The following SLIT3 variants were observed in gnomAD, a reference collection of about 807,000 sequenced individuals.
The protein encoded by SLIT3 is slit homolog 3 protein.
Under a neutral mutation model 184.0 loss-of-function variants are expected in SLIT3, and 68 were observed. The observed-to-expected ratio is 0.37, with a 90% CI of 0.30 to 0.45. The LOEUF (loss-of-function observed/expected upper bound fraction) is 0.45. Among genes scored for constraint, SLIT3 ranks in the 20% least tolerant of loss-of-function variants. SLIT3 has a pLI of 1.00. For synonymous variants in SLIT3, 831 were observed against 828.6 expected, an observed-to-expected ratio of 1.00 and a Z score of -0.05; for missense variants, 1,707 against 2,026.0, an observed-to-expected ratio of 0.84 and a Z score of 3.02.
intron 1 of SLIT3, among the ~76,000 whole-genome samples, chr5:169,260,881 T>C (rs963595949): frequency 6.6e-6 from 1 of 152,248 alleles, no homozygotes; most frequent in East Asian, 1.9e-4. Context: ...TACCATAGAC[T>C]ATGATAAACG....
intron 18 of SLIT3, among the ~76,000 whole-genome samples, chr5:168,750,702 G>T (rs532949762): frequency 6.6e-6 from 1 of 152,198 alleles, no homozygotes; most frequent in Admixed American, 6.5e-5. Flanking sequence ...ACTGATGTTA[G>T]CTCCCAACCC....
chr5:169,005,918 A>G (rs574743616), intron 4 of SLIT3, among the ~76,000 whole-genome samples: 2 of 152,388 alleles, frequency 1.3e-5, no homozygotes, highest in African/African-American at 4.8e-5. Context: ...CAGCAGGGCC[A>G]TAGGAACTTC....
In SLIT3 at chr5:168,980,572, C is replaced by T. The variant is rs553799303; in HGVS notation, c.414-97236G>A. 9.2e-5 allele frequency among the ~76,000 whole-genome samples: 14 copies of T among 152,278 alleles called. No homozygotes were observed. The South Asian group carries it at 2.9e-3, about 32-fold the overall frequency. ...TCCACACTTCAAGCTCTTTCCACCT[C>T]CCACATGATATTTCAACTTGGGCAA... On this transcript the variant is annotated intron_variant, in intron 4 of 35. Transcript: ENST00000519560.
intron 4 of SLIT3, among the ~76,000 whole-genome samples, chr5:169,144,900 T>TGCTCCTTCCCTC (rs1761877356): frequency 6.6e-6 from 1 of 152,202 alleles, no homozygotes; most frequent in Non-Finnish European, 1.5e-5. Context: ...GGACGATGCA[T>TGCTCCTTCCCTC]GCTCCTTCCC....
rs145147086 is a variant in SLIT3 at position 168,912,247 on chromosome 5, C to T, written c.414-28911G>A. Among the ~76,000 whole-genome samples, 66 of 135,712 alleles carry T rather than the reference C, an allele frequency of 4.9e-4. No homozygotes were observed. In the East Asian group the frequency reaches 8.7e-3, roughly 18 times the overall value. The allele number at this position is 135,712 out of a possible 152,430, so 89.0% of individuals were successfully genotyped here. On this transcript the variant is annotated intron_variant, in intron 4 of 35. Transcript: ENST00000519560. ...AACATATTTTATACAGTGTATTATA[C>T]ATACAACAAACAAAATATGTGTTAA...
At chr5:168,918,824 ACTT>A (rs566846989) in intron 4 of SLIT3, among the ~76,000 whole-genome samples, 116 of 152,242 alleles carry the variant, frequency 7.6e-4, no homozygotes, top group African/African-American at 2.6e-3. Context: ...TATGTGTTTC[ACTT>A]CTTCTTAAAA....
chr5:168,706,479 A>G (rs576233814), intron 26 of SLIT3: 1 of 151,904 alleles, frequency 6.6e-6, no homozygotes, highest in East Asian at 1.9e-4. Context: ...GTTAATCTCT[A>G]TTCTCCCCTC....
At chr5:168,720,047 G>A (rs1762890327) in intron 23 of SLIT3, 1 of 152,172 alleles carries the variant, frequency 6.6e-6, no homozygotes, top group Admixed American at 6.6e-5. Context: ...CCAAGTAGCT[G>A]GGACTACAGG....
chr5:168,781,693 C>T (rs1415570282), intron 12 of SLIT3, among the ~76,000 whole-genome samples: 1 of 152,174 alleles, frequency 6.6e-6, no homozygotes, highest in Non-Finnish European at 1.5e-5. Context: ...AGTTGATCTG[C>T]AGTTCAACAG....
chr5:168,684,002 T>C lies in SLIT3; in HGVS notation c.3650A>G (p.Tyr1217Cys), dbSNP rs1338745704. 6.2e-7 allele frequency: 1 copy of C among 1,604,362 alleles called. No homozygotes were observed. The highest frequency in any genetic ancestry group is 1.7e-5 in the Admixed American group (1 of 59,112). ...ELYQGHVRLV[Y>C]DSLSSPPTTV... ...GGTTGGAGGGGAACTCAGGCTGTCA[T>C]AGACCAGCCGCACGTGGCCCTGGTA... Residue 1217 changes from tyrosine to cysteine, a missense_variant, in exon 32 of 36, where the codon TAT (tyrosine) becomes TGT (cysteine). Physicochemically the swap from Tyr to Cys is radical, Grantham distance 194 (BLOSUM62 -2). Transcript: ENST00000519560.
chr5:168,702,412 G>A (rs1762244241), intron 26 of SLIT3, among the ~76,000 whole-genome samples: 1 of 152,106 alleles, frequency 6.6e-6, no homozygotes, highest in Admixed American at 6.5e-5. Flanking sequence ...CTGAACCCAG[G>A]CATCCAGCCC....
rs914331874 is a variant in SLIT3, at chr5:168,678,686, AAAAC to A, written c.3686+5276_3686+5279del. 1.2e-4 allele frequency among the ~76,000 whole-genome samples: 18 copies of A among 152,256 alleles called. No homozygotes were observed. In the South Asian group the frequency reaches 1.7e-3, roughly 14 times the overall value. On this transcript the variant is annotated intron_variant, in intron 32 of 35. Coordinates refer to ENST00000519560, the MANE Select transcript of SLIT3 (RefSeq NM_003062.4). ...TGACAGAGTGAGACTCTGTCTCAAA[AAAAC>A]AAACAAACAAACAAAAATCATTATT...
chr5:168,731,752 A>G (rs145850066), intron 20 of SLIT3, among the ~76,000 whole-genome samples: 3 of 152,258 alleles, frequency 2.0e-5, no homozygotes, highest in African/African-American at 7.2e-5. Flanking sequence ...AAAATTCAGC[A>G]TCCCTTCATG....
chr5:168,698,975 G>A (rs893415362), intron 27 of SLIT3, among the ~76,000 whole-genome samples: 4 of 152,188 alleles, frequency 2.6e-5, no homozygotes, highest in East Asian at 1.9e-4. Context: ...TGCCTGCAGC[G>A]GGGAGCTCTT....
intron 7 of SLIT3, among the ~76,000 whole-genome samples, chr5:168,818,624 A>G (rs1757420427): frequency 6.6e-6 from 1 of 152,234 alleles, no homozygotes; most frequent in African/African-American, 2.4e-5. Flanking sequence ...CTAGCAGTAT[A>G]TAAAGACTTT....
At chr5:169,179,695 T>C (rs1763094806) in intron 4 of SLIT3, among the ~76,000 whole-genome samples, 1 of 152,198 alleles carries the variant, frequency 6.6e-6, no homozygotes, top group Non-Finnish European at 1.5e-5. Flanking sequence ...CATATGTGTG[T>C]GTGTGTGTCT....
At chr5:169,158,774 C>T (rs764842174) in intron 4 of SLIT3, among the ~76,000 whole-genome samples, 2 of 152,032 alleles carry the variant, frequency 1.3e-5, no homozygotes, top group Non-Finnish European at 2.9e-5. Flanking sequence ...AAGTTATGCA[C>T]ATATAATACC....
chr5:169,123,684 G>T (rs1319347735), intron 4 of SLIT3, among the ~76,000 whole-genome samples: 4 of 152,178 alleles, frequency 2.6e-5, no homozygotes, highest in African/African-American at 4.8e-5. Context: ...TTTCTTCTAA[G>T]AATTGAAATG....
At chr5:169,284,784 T>A (rs1284097571) in intron 1 of SLIT3, among the ~76,000 whole-genome samples, 1 of 152,252 alleles carries the variant, frequency 6.6e-6, no homozygotes, top group Non-Finnish European at 1.5e-5. Flanking sequence ...GAGCATTGAA[T>A]GTGTGTTAGG....
Sources: allele counts gnomAD v4.1 joint callset (sites outside exome capture counted in the v4.1 genomes callset), GRCh38; gene constraint gnomAD v4.1.1; transcripts MANE v1.5; gene names NCBI Gene and HGNC (gene_info 2026-07-23, HGNC 2026-07-21).